The following CPNE3 variants were observed in gnomAD, a reference collection of about 807,000 sequenced individuals.
The protein encoded by CPNE3 is copine 3, also known as copine-3.
In CPNE3, 68 loss-of-function variants were observed where a neutral mutation model predicts 63.9. The observed-to-expected ratio is 1.06, with a 90% confidence interval of 0.87 to 1.30. The LOEUF (loss-of-function observed/expected upper bound fraction) is 1.30, where lower values mean the gene tolerates loss of function less well. Among genes scored for constraint, CPNE3 ranks in the 50% most tolerant of loss-of-function variants. The pLI is 0.00. For missense variants in CPNE3, 665 were observed against 578.1 expected, an observed-to-expected ratio of 1.15 and a Z score of -1.54; for synonymous variants, 219 against 197.5, an observed-to-expected ratio of 1.11 and a Z score of -0.91.
intron 9 of CPNE3, 77 bp from the exon 10 acceptor site, chr8:86,546,518 A>T: frequency 6.9e-7 from 1 of 1,458,522 alleles, no homozygotes; most frequent in Non-Finnish European, 9.5e-7. Context: ...AAGGAAAAAA[A>T]GTCATTCATT....
At chr8:86,555,665 A>AT (rs994562325) in intron 15 of CPNE3, among the ~76,000 whole-genome samples, 2 of 152,160 alleles carry the variant, frequency 1.3e-5, no homozygotes, top group East Asian at 1.9e-4. Context: ...AACCATATCT[A>AT]TTTTTTTGTG....
intron 9 of CPNE3, among the ~76,000 whole-genome samples, chr8:86,546,001 TA>T (rs1309192067): frequency 6.6e-6 from 1 of 151,808 alleles, no homozygotes; most frequent in Non-Finnish European, 1.5e-5. Context: ...TAAAGATGGA[TA>T]GGGGGATAGG....
intron 10 of CPNE3, 51 bp from the exon 11 acceptor site, chr8:86,547,660 T>G (rs1563697398): frequency 1.2e-6 from 1 of 810,030 alleles, no homozygotes; most frequent in Non-Finnish European, 2.1e-6. Flanking sequence ...AGTTTTTTGC[T>G]TCTCTTGTAT....
At position 86,528,829 on chromosome 8, in the gene CPNE3, A is replaced by G; in HGVS notation, c.133-116A>G. The G allele has an allele frequency of 3.1e-6, 4 of 1,301,226 alleles. No homozygotes were observed. The Admixed American group carries it at 7.8e-5, about 25-fold the overall frequency. 80.6% of individuals were successfully genotyped at this position (1,301,226 alleles called of 1,614,324 possible). A position where few individuals can be genotyped will look rare whatever the true frequency, so the allele number is the denominator to read the frequency against. ...CTTGATTGTAGAATTTTTCATACAC[A>G]TATAGAAACTTCCTTTAGTTGTCAT... is the stretch of plus-strand genomic sequence containing the variant. On this transcript the variant is annotated intron_variant, in intron 3 of 16. Transcript: ENST00000517490.
Position 86,533,032 on chromosome 8 carries a change from C to CT in CPNE3, c.459+453dup, listed in dbSNP as rs937603281. ...TAATTCTTTTATCTATCTTATCTAT[C>CT]TATCTATCTATCTATCTATCTATCT... On this transcript the variant is annotated intron_variant, in intron 6 of 16. Transcript: ENST00000517490. Among the ~76,000 whole-genome samples, 61 of 142,718 alleles carry CT rather than the reference C, an allele frequency of 4.3e-4. 1 individual carries two copies. Among genetic ancestry groups the CT allele is most frequent in the African/African-American group, 1.5e-3 (57 of 37,180 alleles). The allele number at this position is 142,718 out of a possible 152,430, so 93.6% of individuals were successfully genotyped here.
chr8:86,546,424 A>G (rs1371209219), intron 9 of CPNE3, among the ~76,000 whole-genome samples, 171 bp from the exon 10 acceptor site: 1 of 152,168 alleles, frequency 6.6e-6, no homozygotes, highest in Non-Finnish European at 1.5e-5. Flanking sequence ...TACCTGATAA[A>G]TATTCCACAT....
intron 7 of CPNE3, among the ~76,000 whole-genome samples, chr8:86,539,203 G>A (rs1011144743): frequency 1.3e-5 from 2 of 152,156 alleles, no homozygotes; most frequent in East Asian, 1.9e-4. Flanking sequence ...TTTGACTAGA[G>A]AGAGCTCGTA....
intron 12 of CPNE3, among the ~76,000 whole-genome samples, chr8:86,550,713 A>AT (rs1372798056): frequency 6.6e-6 from 1 of 152,152 alleles, no homozygotes; most frequent in Non-Finnish European, 1.5e-5. Flanking sequence ...AAGAATTGTG[A>AT]TTTTCAGGGC....
rs996393827 is a variant in CPNE3, at chr8:86,552,744, A to T, written c.1120+1510A>T. Among the ~76,000 whole-genome samples, 4 of 151,750 alleles carry T rather than the reference A, an allele frequency of 2.6e-5. 1 individual carries two copies. Among genetic ancestry groups the T allele is most frequent in the Admixed American group, 2.6e-4 (4 of 15,190 alleles). On this transcript the variant is annotated intron_variant, in intron 14 of 16. Transcript: ENST00000517490. ...TAATATGCCTTAGAAATAACTTGTT[A>T]CTTTGATGCATAGAAAGGGTTTTGG... is the stretch of plus-strand genomic sequence containing the variant.
intron 8 of CPNE3, 75 bp from the exon 9 acceptor site, chr8:86,544,665 T>C: frequency 3.0e-6 from 2 of 665,026 alleles, no homozygotes; most frequent in East Asian, 7.4e-5. Flanking sequence ...TCATGATAGG[T>C]TATATTTATT....
Position 86,527,397 on chromosome 8 carries a change from C to T in CPNE3, c.-10-1139C>T, listed in dbSNP as rs140724678. On this transcript the variant is annotated intron_variant, in intron 2 of 16. Coordinates refer to ENST00000517490, the MANE Select transcript of CPNE3 (RefSeq NM_003909.5). ...ATACTACATTCCTTCTCAAGTCCAGCCCCTATCATATGCTCCATCCCATCC... is the reference window on the plus strand; with the variant it reads ...ATACTACATTCCTTCTCAAGTCCAGTCCCTATCATATGCTCCATCCCATCC... 1.7e-4 allele frequency among the ~76,000 whole-genome samples: 26 copies of T among 152,276 alleles called. 1 individual carries two copies. Among genetic ancestry groups the T allele is most frequent in the African/African-American group, 4.3e-4 (18 of 41,548 alleles).
At chr8:86,553,625 G>A (rs904371285) in intron 14 of CPNE3, among the ~76,000 whole-genome samples, 2 of 152,044 alleles carry the variant, frequency 1.3e-5, no homozygotes, top group Non-Finnish European at 2.9e-5. Context: ...ATCACCTAAC[G>A]ATGCATTTCT....
chr8:86,523,711 G>A (rs1051914444), intron 2 of CPNE3, among the ~76,000 whole-genome samples: 4 of 152,016 alleles, frequency 2.6e-5, no homozygotes, highest in African/African-American at 4.8e-5. Flanking sequence ...TCAGCCTCCC[G>A]AGTAGCTGGG....
intron 4 of CPNE3, among the ~76,000 whole-genome samples, chr8:86,530,895 T>G (rs1246396287): frequency 6.6e-6 from 1 of 152,006 alleles, no homozygotes; most frequent in African/African-American, 2.4e-5. Context: ...TTTCACCATG[T>G]TGGCCAGGCT....
intron 16 of CPNE3, among the ~76,000 whole-genome samples, chr8:86,557,273 A>G (rs1254632189): frequency 6.6e-6 from 1 of 152,122 alleles, no homozygotes; most frequent in East Asian, 1.9e-4. Context: ...AGCTGGGATT[A>G]CAGGTGTGCA....
Position 86,551,106 on chromosome 8 carries a change from A to G in CPNE3, c.1068+6A>G. 1 of 1,613,026 alleles carries G rather than the reference A, an allele frequency of 6.2e-7. No homozygotes were observed. Among genetic ancestry groups the G allele is most frequent in the Middle Eastern group, 1.7e-4 (1 of 6,056 alleles). On this transcript the variant is annotated splice_donor_region_variant and intron_variant, in intron 13 of 16. Transcript: ENST00000517490. ...AGATACCTCCTCAGTGGCAGGTAAG[A>G]GGAAATCTCTATTTTAAAGCTTTGC...
intron 10 of CPNE3, 107 bp from the exon 11 acceptor site, chr8:86,547,604 A>T: frequency 1.5e-6 from 1 of 682,466 alleles, no homozygotes; most frequent in Non-Finnish European, 2.6e-6. Context: ...CCATGTTTAT[A>T]TCATGTCCTG....
chr8:86,527,443 A>T (rs1239103571), intron 2 of CPNE3, among the ~76,000 whole-genome samples: 1 of 152,114 alleles, frequency 6.6e-6, no homozygotes, highest in African/African-American at 2.4e-5. Context: ...TCATATATTG[A>T]TTGGAGACTG....
intron 14 of CPNE3, among the ~76,000 whole-genome samples, chr8:86,552,988 C>T (rs1353031485): frequency 1.8e-5 from 2 of 111,814 alleles, no homozygotes; most frequent in African/African-American, 3.1e-5. Flanking sequence ...CGCCCACAAC[C>T]GAGTAGCTGG....
Sources: allele counts gnomAD v4.1 joint callset (sites outside exome capture counted in the v4.1 genomes callset), GRCh38; gene constraint gnomAD v4.1.1; transcripts MANE v1.5; gene names NCBI Gene and HGNC (gene_info 2026-07-23, HGNC 2026-07-21).